Variants in LIN52 observed in about 807,000 individuals in gnomAD.
The protein encoded by LIN52 is protein lin-52 homolog.
A neutral mutation model predicts 18.5 loss-of-function variants in LIN52; 4 were observed. That is an observed-to-expected ratio of 0.22 (90% CI 0.11 to 0.49). The LOEUF (loss-of-function observed/expected upper bound fraction) is 0.49. Ranked by LOEUF, LIN52 falls within the 20% of genes least tolerant of loss-of-function variation. LIN52 has a pLI of 0.97. For missense variants in LIN52, 102 were observed against 139.5 expected (o/e 0.73, Z 1.35); for synonymous variants, 34 against 45.5 (o/e 0.75, Z 1.02).
At chr14:74,103,318 A>G (rs888408228) in intron 5 of LIN52, among the ~76,000 whole-genome samples, 1 of 152,010 alleles carries the variant, frequency 6.6e-6, no homozygotes, top group African/African-American at 2.4e-5. Flanking sequence ...ACCTCAAATA[A>G]TATGCTCACC....
rs117909897 is a variant in LIN52, at chr14:74,150,634, T to A, written c.284-48288T>A. Among the ~76,000 whole-genome samples the A allele has an allele frequency of 7.9e-5, 12 of 152,310 alleles. 1 individual carries two copies. In the East Asian group the frequency reaches 2.3e-3, roughly 29 times the overall value. On this transcript the variant is annotated intron_variant, in intron 5 of 5. Coordinates refer to ENST00000555028, the MANE Select transcript of LIN52 (RefSeq NM_001024674.3). ...ACACAGTATATTTATGATTTGTACA[T>A]TTTTCTGTTCATATGTTATACTTTT...
At chr14:74,110,507 T>C (rs1325054136) in intron 5 of LIN52, among the ~76,000 whole-genome samples, 2 of 151,904 alleles carry the variant, frequency 1.3e-5, no homozygotes, top group Non-Finnish European at 2.9e-5. Flanking sequence ...GGTAAAACCT[T>C]GTCTCTACAA....
chr14:74,143,349 G>T (rs1263775344), intron 5 of LIN52, among the ~76,000 whole-genome samples: 3 of 152,094 alleles, frequency 2.0e-5, no homozygotes, highest in Non-Finnish European at 4.4e-5. Flanking sequence ...CAGAGTTCGA[G>T]ACCAGCGTGG....
intron 5 of LIN52, among the ~76,000 whole-genome samples, chr14:74,130,277 G>GTTTTTTTTTTTTTTTTTTT (rs371965343): frequency 1.3e-4 from 6 of 46,400 alleles, no homozygotes; most frequent in Admixed American, 6.3e-4. Flanking sequence ...GGCATTTTTT[G>GTTTTTTTTTTTTTTTTTTT]GTTTTTTTTT....
chr14:74,164,338 G>A (rs1209469025), intron 5 of LIN52, among the ~76,000 whole-genome samples: 2 of 149,924 alleles, frequency 1.3e-5, no homozygotes, highest in Non-Finnish European at 3.0e-5. Context: ...AGGCTGGAGT[G>A]GAGTGACACG....
At chr14:74,099,757 T>G (rs2060841224) in intron 4 of LIN52, among the ~76,000 whole-genome samples, 1 of 151,812 alleles carries the variant, frequency 6.6e-6, no homozygotes, top group Non-Finnish European at 1.5e-5. Flanking sequence ...TCACAGGGAG[T>G]CAAAGCTGTC....
chr14:74,152,262 CAA>C (rs33967967), intron 5 of LIN52, among the ~76,000 whole-genome samples: 14 of 130,428 alleles, frequency 1.1e-4, no homozygotes, highest in Non-Finnish European at 1.0e-4. Context: ...ACCTCCATCT[CAA>C]AAAAAAAAAA....
At chr14:74,119,114 T>G (rs1329112946) in intron 5 of LIN52, among the ~76,000 whole-genome samples, 3 of 152,016 alleles carry the variant, frequency 2.0e-5, no homozygotes, top group Non-Finnish European at 4.4e-5. Context: ...ATAAATACTG[T>G]TAGTATTTTT....
chr14:74,120,087 C>T (rs937050038), intron 5 of LIN52, among the ~76,000 whole-genome samples: 2 of 151,526 alleles, frequency 1.3e-5, no homozygotes, highest in East Asian at 2.0e-4. Flanking sequence ...CCGCCTGCCT[C>T]GGCCTCCCAA....
chr14:74,089,366 G>A (rs868182216), intron 1 of LIN52, among the ~76,000 whole-genome samples: 1 of 142,026 alleles, frequency 7.0e-6, no homozygotes, highest in South Asian at 2.6e-4. Flanking sequence ...AAGTTTAAGT[G>A]GGGATTTTTT....
intron 5 of LIN52, among the ~76,000 whole-genome samples, chr14:74,147,717 A>C (rs1367082669): frequency 6.6e-6 from 1 of 152,258 alleles, no homozygotes; most frequent in East Asian, 1.9e-4. Context: ...TGCTAAGTGA[A>C]ATAAGCCAGT....
chr14:74,195,566 G>GTA (rs72128118), intron 5 of LIN52, among the ~76,000 whole-genome samples: 35 of 151,364 alleles, frequency 2.3e-4, no homozygotes, highest in African/African-American at 8.5e-4. Flanking sequence ...ATGTGTGTGT[G>GTA]TGTGTGTGTG....
rs371965343 is a variant in LIN52, at chr14:74,130,277, G to GTTTTTTTTTTTTTTTTTTTTTTT, written c.283+29039_283+29040insTTTTTTTTTTTTTTTTTTTTTTT. 6.3e-4 allele frequency among the ~76,000 whole-genome samples: 29 copies of GTTTTTTTTTTTTTTTTTTTTTTT among 46,394 alleles called. 1 individual carries two copies. The highest frequency in any genetic ancestry group is 2.6e-3 in the East Asian group (7 of 2,722). 30.4% of individuals were successfully genotyped at this position (46,394 alleles called of 152,430 possible). ...GGAATTTATTAGATAGGCATTTTTT[G>GTTTTTTTTTTTTTTTTTTTTTTT]GTTTTTTTTTTTTTTTTTTGAGACA... On this transcript the variant is annotated intron_variant, in intron 5 of 5. Transcript: ENST00000555028.
In LIN52 at chr14:74,096,429, G is replaced by A. The variant is rs145356778; in HGVS notation, c.132+444G>A. 2.2e-4 allele frequency among the ~76,000 whole-genome samples: 33 copies of A among 152,116 alleles called. No homozygotes were observed. In the East Asian group the frequency reaches 6.2e-3, roughly 29 times the overall value. On this transcript the variant is annotated intron_variant, in intron 3 of 5. Coordinates refer to ENST00000555028, the MANE Select transcript of LIN52 (RefSeq NM_001024674.3). The stretch of plus-strand genomic sequence containing the variant: ...GCTGGTCTTGAACTCCTGGGTTCAA[G>A]TGATCCTCCTGCTCCAGCCTCCCAT...
intron 5 of LIN52, among the ~76,000 whole-genome samples, chr14:74,198,382 T>C (rs1470574921): frequency 6.6e-6 from 1 of 152,200 alleles, no homozygotes; most frequent in Non-Finnish European, 1.5e-5. Flanking sequence ...CAAAGCTCTA[T>C]AAACCCTACT....
At position 74,166,642 on chromosome 14, in the gene LIN52, T is replaced by C. The variant is rs1171616230; in HGVS notation, c.284-32280T>C. ...AAGCAACTATATTTCTGTCTCATGA[T>C]GGGAAATAGAACCCAAAATTCAAGG... On this transcript the variant is annotated intron_variant, in intron 5 of 5. Transcript: ENST00000555028. Among the ~76,000 whole-genome samples, 9 of 152,242 alleles carry C rather than the reference T, an allele frequency of 5.9e-5. No homozygotes were observed. In the East Asian group the frequency reaches 1.5e-3, roughly 26 times the overall value.
At chr14:74,134,819 A>G (rs2061088645) in intron 5 of LIN52, among the ~76,000 whole-genome samples, 1 of 152,236 alleles carries the variant, frequency 6.6e-6, no homozygotes, top group Non-Finnish European at 1.5e-5. Context: ...ACCATGAGAA[A>G]GGCAGTCACA....
At chr14:74,173,149 A>G (rs1052172098) in intron 5 of LIN52, among the ~76,000 whole-genome samples, 1 of 152,130 alleles carries the variant, frequency 6.6e-6, no homozygotes, top group Non-Finnish European at 1.5e-5. Context: ...TTAGCCAATT[A>G]TTTACATGTA....
intron 5 of LIN52, among the ~76,000 whole-genome samples, chr14:74,139,301 G>A (rs1268661811): frequency 6.6e-6 from 1 of 152,210 alleles, no homozygotes; most frequent in Non-Finnish European, 1.5e-5. Flanking sequence ...ATGGATCTTG[G>A]AATAGGCAGC....
Sources: gnomAD v4.1 joint callset for allele counts (sites outside exome capture counted in the v4.1 genomes callset) on GRCh38, gnomAD v4.1.1 for gene constraint, MANE v1.5 for transcripts, NCBI Gene and HGNC (gene_info 2026-07-23, HGNC 2026-07-21) for gene names.